Variants in STX2 observed in about 807,000 individuals in gnomAD.
STX2 encodes syntaxin-2.
In STX2, 27 loss-of-function variants were observed where a neutral mutation model predicts 40.6. That is an observed-to-expected ratio of 0.66 (90% CI 0.49 to 0.92). The LOEUF (loss-of-function observed/expected upper bound fraction) is 0.92. STX2 is among the 40% of genes least tolerant of loss of function. The pLI, the probability that STX2 is intolerant of heterozygous loss-of-function variation, is 0.00. For missense variants in STX2, 328 were observed against 366.1 expected, an observed-to-expected ratio of 0.90 and a Z score of 0.85; for synonymous variants, 123 against 119.1, an observed-to-expected ratio of 1.03 and a Z score of -0.22.
intron 10 of STX2, among the ~76,000 whole-genome samples, chr12:130,795,474 A>G (rs561416200): frequency 8.5e-5 from 13 of 152,230 alleles, no homozygotes; most frequent in Non-Finnish European, 1.9e-4. Flanking sequence ...GGCTGAGTAC[A>G]GTGGCTCATG....
At chr12:130,807,541 G>A (rs1032448633) in intron 5 of STX2, among the ~76,000 whole-genome samples, 5 of 148,384 alleles carry the variant, frequency 3.4e-5, no homozygotes, top group African/African-American at 5.0e-5. Flanking sequence ...GTGCTTCATC[G>A]CCTTGTGCCC....
Position 130,827,232 on chromosome 12 carries a change from C to G in STX2, c.66G>C (p.Val22=). The G allele has an allele frequency of 1.9e-6, 3 of 1,613,908 alleles. No individual in the cohort carries two copies. Among genetic ancestry groups the G allele is most frequent in the Non-Finnish European group, 2.5e-6 (3 of 1,179,946 alleles). Residue 22 remains valine (V), a synonymous_variant, in exon 2 of 11, where the codon GTG becomes GTC. Coordinates refer to ENST00000392373, the MANE Select transcript of STX2 (RefSeq NM_194356.4). ...CATCCATGAAATGATCTTTCTCAACCACAACAACTGTGTCTCCATCATCAT... is the reference window on the plus strand; with the variant it reads ...CATCCATGAAATGATCTTTCTCAACGACAACAACTGTGTCTCCATCATCAT... ...RKNDDGDTVV[V]VEKDHFMDDF... is the part of the protein sequence containing the mutation.
chr12:130,811,208 A>C (rs1444343721), intron 4 of STX2, among the ~76,000 whole-genome samples: 1 of 151,920 alleles, frequency 6.6e-6, no homozygotes, highest in East Asian at 1.9e-4. Flanking sequence ...AAATACAAAA[A>C]TTAGCCAGGC....
In STX2 at chr12:130,805,247, C is replaced by T. The variant is rs77157397; in HGVS notation, c.463+1735G>A. 4.5e-3 allele frequency among the ~76,000 whole-genome samples: 682 copies of T among 152,270 alleles called. 9 individuals are homozygous for T. The highest frequency in any genetic ancestry group is 0.016 in the African/African-American group (654 of 41,534). On this transcript the variant is annotated intron_variant, in intron 6 of 10. Coordinates refer to ENST00000392373, the MANE Select transcript of STX2 (RefSeq NM_194356.4). ...AACAGGGACCGTATTTTCCCTGCCA[C>T]TTGAAATAACCACAAACCCACCAAA...
At chr12:130,820,198 T>A (rs1311205928) in intron 3 of STX2, among the ~76,000 whole-genome samples, 3 of 152,088 alleles carry the variant, frequency 2.0e-5, no homozygotes, top group Non-Finnish European at 4.4e-5. Flanking sequence ...GCATAAGAGC[T>A]GCAAGGAAAA....
At chr12:130,817,013 T>G (rs146222838) in intron 3 of STX2, among the ~76,000 whole-genome samples, 125 of 152,156 alleles carry the variant, frequency 8.2e-4, no homozygotes, top group African/African-American at 2.9e-3. Flanking sequence ...AATCATCTCT[T>G]TAAAAAGAAA....
At chr12:130,825,042 T>C (rs2136329727) in intron 2 of STX2, among the ~76,000 whole-genome samples, 1 of 122,894 alleles carries the variant, frequency 8.1e-6, no homozygotes. Flanking sequence ...TTTTCTGTTC[T>C]TTTTTTTTTT....
At chr12:130,805,283 C>T (rs987658987) in intron 6 of STX2, among the ~76,000 whole-genome samples, 8 of 152,196 alleles carry the variant, frequency 5.3e-5, no homozygotes, top group African/African-American at 1.7e-4. Flanking sequence ...ATCTACAAAA[C>T]GATTTCCAAG....
Position 130,827,195 on chromosome 12 carries a change from G to C in STX2, c.103C>G (p.Gln35Glu). Residue 35 changes from glutamine to glutamate, a missense_variant and splice_region_variant, in exon 2 of 11, where the codon CAG (glutamine) becomes GAG (glutamate). Transcript: ENST00000392373. ...KDHFMDDFFH[Q>E]VEEIRNSIDK... ...TGGGTTTCATTAAACGCTCTTACCT[G>C]ATGGAAGAAATCATCCATGAAATGA... The C allele has an allele frequency of 1.9e-6, 3 of 1,613,020 alleles. No individual in the cohort carries two copies. Among genetic ancestry groups the C allele is most frequent in the Non-Finnish European group, 1.7e-6 (2 of 1,179,314 alleles).
intron 3 of STX2, among the ~76,000 whole-genome samples, chr12:130,818,183 AAAATATATATATATAT>A (rs1427583428): frequency 4.9e-5 from 1 of 20,334 alleles, no homozygotes; most frequent in African/African-American, 1.8e-4. Context: ...AAAAAAAAAA[AAAATATATATATATAT>A]ATATATATAT....
intron 1 of STX2, among the ~76,000 whole-genome samples, chr12:130,832,631 A>G (rs1952609031): frequency 6.6e-6 from 1 of 152,204 alleles, no homozygotes; most frequent in South Asian, 2.1e-4. Flanking sequence ...GACATGATGA[A>G]GCCTAGAGAG....
At chr12:130,828,225 T>C (rs1431283569) in intron 1 of STX2, among the ~76,000 whole-genome samples, 1 of 152,068 alleles carries the variant, frequency 6.6e-6, no homozygotes, top group East Asian at 1.9e-4. Context: ...TAGTCCCTAC[T>C]CTTTTTTTTT....
intron 1 of STX2, 67 bp from the exon 2 acceptor site, chr12:130,827,334 T>C (rs1952360103): frequency 1.6e-6 from 2 of 1,286,180 alleles, no homozygotes; most frequent in South Asian, 2.4e-5. Flanking sequence ...CGAACTGAAA[T>C]ACAAAAACAG....
intron 3 of STX2, among the ~76,000 whole-genome samples, chr12:130,820,250 G>A (rs1172876662): frequency 1.3e-5 from 2 of 152,136 alleles, no homozygotes; most frequent in East Asian, 3.9e-4. Flanking sequence ...TGGGTACAGA[G>A]ACAATCCAAC....
intron 1 of STX2, among the ~76,000 whole-genome samples, chr12:130,838,551 T>A (rs1049195270): frequency 1.3e-5 from 2 of 152,104 alleles, no homozygotes; most frequent in African/African-American, 4.8e-5. Context: ...TTCACACCCA[T>A]CTGTTGCCTC....
chr12:130,811,443 A>G (rs1220896987), intron 4 of STX2, among the ~76,000 whole-genome samples: 2 of 152,064 alleles, frequency 1.3e-5, no homozygotes, highest in South Asian at 2.1e-4. Flanking sequence ...ATTTTTGACA[A>G]TATCACAGAA....
At chr12:130,818,170 C>CAAAAAAAAAAAAAAAAAA (rs756794046) in intron 3 of STX2, among the ~76,000 whole-genome samples, 1 of 49,858 alleles carries the variant, frequency 2.0e-5, no homozygotes, top group African/African-American at 1.6e-4. Flanking sequence ...GCTGTTTCTA[C>CAAAAAAAAAAAAAAAAAA]AAAAAAAAAA....
intron 1 of STX2, among the ~76,000 whole-genome samples, chr12:130,830,393 C>T (rs367870626): frequency 6.6e-6 from 1 of 152,212 alleles, no homozygotes; most frequent in African/African-American, 2.4e-5. Context: ...CCATGGTGAC[C>T]GTCCCATGCT....
intron 6 of STX2, among the ~76,000 whole-genome samples, chr12:130,801,803 C>T (rs1416513071): frequency 6.6e-6 from 1 of 152,074 alleles, no homozygotes; most frequent in East Asian, 1.9e-4. Flanking sequence ...AGTTTAACTC[C>T]GCCTCATGTA....
Sources: gnomAD v4.1 joint callset for allele counts (sites outside exome capture counted in the v4.1 genomes callset) on GRCh38, gnomAD v4.1.1 for gene constraint, MANE v1.5 for transcripts, NCBI Gene and HGNC (gene_info 2026-07-23, HGNC 2026-07-21) for gene names.